The following EEFSEC variants were observed in gnomAD, a reference collection of about 807,000 sequenced individuals.
EEFSEC encodes selenocysteine-specific elongation factor.
In EEFSEC, 43 loss-of-function variants were observed where a neutral mutation model predicts 42.1. That is an observed-to-expected ratio of 1.02 (90% confidence interval 0.80 to 1.32). The LOEUF is 1.32. Ranked by LOEUF, EEFSEC falls within the 40% of genes most tolerant of loss-of-function variation. The pLI, the probability that EEFSEC is intolerant of heterozygous loss-of-function variation, is 0.00. For missense variants in EEFSEC, 745 were observed against 803.6 expected, an observed-to-expected ratio of 0.93 and a Z score of 0.88; for synonymous variants, 354 against 339.1, an observed-to-expected ratio of 1.04 and a Z score of -0.48.
the EEFSEC span, among the ~76,000 whole-genome samples, chr3:128,417,505 C>T: frequency 2.6e-5 from 4 of 152,282 alleles, 1 homozygote; most frequent in South Asian, 8.3e-4. This position sits in a 1 kb window ranked among gnomAD's most constrained non-coding sequence, Gnocchi z 4.3. Context: ...CGCTGTTTCA[C>T]CCTTCTTTCT....
At chr3:128,357,268 C>T (rs529441073) in intron 5 of EEFSEC, among the ~76,000 whole-genome samples, 5 of 152,372 alleles carry the variant, frequency 3.3e-5, no homozygotes, top group African/African-American at 1.2e-4. Context: ...CACTTCCAGT[C>T]GCTGATCAAG....
intron 4 of EEFSEC, among the ~76,000 whole-genome samples, chr3:128,326,484 G>T (rs1398135373): frequency 6.6e-6 from 1 of 152,188 alleles, no homozygotes; most frequent in East Asian, 1.9e-4. Flanking sequence ...ATTTTCTCAT[G>T]TGGGTTGGGC....
At chr3:128,273,408 T>C (rs1372302521) in intron 4 of EEFSEC, among the ~76,000 whole-genome samples, 1 of 151,708 alleles carries the variant, frequency 6.6e-6, no homozygotes, top group Non-Finnish European at 1.5e-5. Flanking sequence ...TTGTCAGAGA[T>C]CAATGCTCAG....
chr3:128,386,807 C>T (rs1352896609), intron 6 of EEFSEC, among the ~76,000 whole-genome samples: 1 of 152,146 alleles, frequency 6.6e-6, no homozygotes, highest in Non-Finnish European at 1.5e-5. Context: ...CACATGGACT[C>T]ACAGAGCGAG....
At chr3:128,398,637 G>T (rs2068011287) in intron 6 of EEFSEC, among the ~76,000 whole-genome samples, 1 of 152,076 alleles carries the variant, frequency 6.6e-6, no homozygotes, top group Non-Finnish European at 1.5e-5. Flanking sequence ...GCCCCTGCCG[G>T]GCCTGCAGGG....
chr3:128,370,591 G>A (rs778570183), intron 6 of EEFSEC, among the ~76,000 whole-genome samples: 2 of 152,182 alleles, frequency 1.3e-5, no homozygotes, highest in Non-Finnish European at 2.9e-5. Context: ...AGGGAGGAGA[G>A]GAGCTGCTAC....
At chr3:128,381,747 C>T (rs1322504428) in intron 6 of EEFSEC, among the ~76,000 whole-genome samples, 1 of 152,178 alleles carries the variant, frequency 6.6e-6, no homozygotes, top group Admixed American at 6.5e-5. Context: ...GGGGCATCTT[C>T]GTGGGGCCTG....
At chr3:128,365,664 C>T (rs1160256691) in intron 6 of EEFSEC, among the ~76,000 whole-genome samples, 1 of 152,028 alleles carries the variant, frequency 6.6e-6, no homozygotes, top group Admixed American at 6.6e-5. Context: ...CATGCCCTGT[C>T]CCTACCACAG....
At chr3:128,367,470 C>T (rs1205299903) in intron 6 of EEFSEC, among the ~76,000 whole-genome samples, 1 of 152,196 alleles carries the variant, frequency 6.6e-6, no homozygotes, top group Non-Finnish European at 1.5e-5. Context: ...GAGGGTGCCA[C>T]AGTGGTGCTG....
In EEFSEC at chr3:128,358,285, G is replaced by A. The variant is rs2067482170; in HGVS notation, c.1512G>A (p.Val504=). Residue 504 remains valine (V), a synonymous_variant, in exon 6 of 7, where the codon GTG becomes GTA. Transcript: ENST00000254730. ...FKKETNIQLF[V]GLKVHLSTGE... ...AGGAAACCAACATCCAGCTCTTCGT[G>A]GGGCTCAAGGTGCACTTGTCCACTG... is the stretch of plus-strand genomic sequence containing the variant. 6.2e-7 allele frequency: 1 copy of A among 1,614,128 alleles called. No individual in the cohort carries two copies. Among genetic ancestry groups the A allele is most frequent in the African/African-American group, 1.3e-5 (1 of 74,946 alleles).
rs564737362 is a variant in EEFSEC at position 128,245,942 on chromosome 3, C to T, written c.317-894C>T. On this transcript the variant is annotated intron_variant, in intron 1 of 6. Transcript: ENST00000254730. The stretch of plus-strand genomic sequence containing the variant: ...CTCTGCATTGCCAATGACCATAATC[C>T]GATCCCGAGAAATGCTTCATGGGCA... 9.5e-4 allele frequency among the ~76,000 whole-genome samples: 144 copies of T among 152,200 alleles called. 1 individual carries two copies. The highest frequency in any genetic ancestry group is 5.6e-4 in the Non-Finnish European group (38 of 68,026).
chr3:128,398,852 G>A (rs2068014590), intron 6 of EEFSEC, among the ~76,000 whole-genome samples: 1 of 112,852 alleles, frequency 8.9e-6, no homozygotes. Flanking sequence ...CACAGGGTGG[G>A]GGATCCCATT....
At chr3:128,265,204 T>C (rs1317649636) in intron 4 of EEFSEC, among the ~76,000 whole-genome samples, 1 of 152,180 alleles carries the variant, frequency 6.6e-6, no homozygotes, top group African/African-American at 2.4e-5. Flanking sequence ...GGGTACCTTT[T>C]TCTTAACCAC....
At chr3:128,238,905 C>T (rs963409700) in intron 1 of EEFSEC, among the ~76,000 whole-genome samples, 3 of 152,314 alleles carry the variant, frequency 2.0e-5, no homozygotes, top group South Asian at 2.1e-4. Context: ...TTCTGGTCCA[C>T]GTGGTATGGC....
chr3:128,290,751 G>T (rs1163933378), intron 4 of EEFSEC, among the ~76,000 whole-genome samples: 1 of 151,738 alleles, frequency 6.6e-6, no homozygotes, highest in Non-Finnish European at 1.5e-5. Context: ...TGTTTTGTTT[G>T]TTTGTTTGTT....
intron 6 of EEFSEC, among the ~76,000 whole-genome samples, chr3:128,397,150 GAGTCCCC>G (rs2067990841): frequency 6.6e-6 from 1 of 152,198 alleles, no homozygotes; most frequent in Non-Finnish European, 1.5e-5. Flanking sequence ...CTGGTTGGGG[GAGTCCCC>G]AGTTGATCCC....
chr3:128,301,785 GGGACTT>G (rs2066771625), intron 4 of EEFSEC, among the ~76,000 whole-genome samples: 1 of 152,178 alleles, frequency 6.6e-6, no homozygotes, highest in Non-Finnish European at 1.5e-5. Flanking sequence ...GTGTGCAGAA[GGGACTT>G]ACACATGTCG....
chr3:128,319,550 G>A (rs553109378), intron 4 of EEFSEC, among the ~76,000 whole-genome samples: 6 of 152,272 alleles, frequency 3.9e-5, no homozygotes, highest in Middle Eastern at 3.4e-3. Flanking sequence ...TGCACAAAGC[G>A]TATGCCCTTA....
At chr3:128,300,020 G>C (rs1416897702) in intron 4 of EEFSEC, among the ~76,000 whole-genome samples, 1 of 152,138 alleles carries the variant, frequency 6.6e-6, no homozygotes, top group Non-Finnish European at 1.5e-5. Context: ...GCCTGGGCAG[G>C]GGTTTTCTTC....
Sources: gnomAD v4.1 joint callset for allele counts (sites outside exome capture counted in the v4.1 genomes callset) on GRCh38, gnomAD v4.1.1 for gene constraint, Gnocchi (gnomAD v3.1) non-coding constraint, MANE v1.5 for transcripts, NCBI Gene and HGNC (gene_info 2026-07-23, HGNC 2026-07-21) for gene names.